The following CACNA1H variants were observed in gnomAD, a reference collection of about 807,000 sequenced individuals.
The protein encoded by CACNA1H is calcium voltage-gated channel subunit alpha1 H.
Under a neutral mutation model 192.5 loss-of-function variants are expected in CACNA1H, and 149 were observed. The observed-to-expected ratio is 0.77, with a 90% CI of 0.68 to 0.89. CACNA1H has a LOEUF of 0.89. Among genes scored for constraint, CACNA1H ranks in the 40% least tolerant of loss-of-function variants. The pLI is 0.00. For missense variants in CACNA1H, 4,257 were observed against 3,423.5 expected (o/e 1.24, Z -6.08); for synonymous variants, 2,202 against 1,475.2 (o/e 1.49, Z -11.29).
chr16:1,161,427 C>T (rs917181331), intron 2 of CACNA1H, among the ~76,000 whole-genome samples: 2 of 152,218 alleles, frequency 1.3e-5, no homozygotes, highest in Admixed American at 6.5e-5. Context: ...CTCTGGGCCC[C>T]TCACTGGCCT....
intron 10 of CACNA1H, among the ~76,000 whole-genome samples, chr16:1,204,863 C>T (rs1476223646): frequency 1.7e-4 from 13 of 75,778 alleles, no homozygotes; most frequent in African/African-American, 7.2e-4. Context: ...GTGGGAGCCG[C>T]GGGTGGGGGC....
At chr16:1,198,189 C>G (rs1967223559) in intron 5 of CACNA1H, among the ~76,000 whole-genome samples, 1 of 152,160 alleles carries the variant, frequency 6.6e-6, no homozygotes, top group South Asian at 2.1e-4. Context: ...GCCAGACAAG[C>G]CTCGAGGGCC....
At chr16:1,197,814 C>A (rs1967170684) in intron 5 of CACNA1H, among the ~76,000 whole-genome samples, 1 of 152,204 alleles carries the variant, frequency 6.6e-6, no homozygotes, top group Non-Finnish European at 1.5e-5. Flanking sequence ...TACCTGCTGC[C>A]TTAGCCTGGC....
intron 34 of CACNA1H, among the ~76,000 whole-genome samples, chr16:1,219,502 C>T (rs1970308806): frequency 6.6e-6 from 1 of 152,214 alleles, no homozygotes; most frequent in Non-Finnish European, 1.5e-5. Flanking sequence ...GGGCATGGGT[C>T]CCGTGGTGGG....
intron 2 of CACNA1H, among the ~76,000 whole-genome samples, chr16:1,185,723 A>G (rs1425763917): frequency 3.5e-3 from 10 of 2,858 alleles, no homozygotes; most frequent in Non-Finnish European, 0.011. Flanking sequence ...TAGGGGCCGG[A>G]GGCGGGGTGT....
chr16:1,208,340 C>T (rs764360191), intron 16 of CACNA1H, 119 bp downstream of exon 16: 5 of 724,006 alleles, frequency 6.9e-6, no homozygotes, highest in Non-Finnish European at 1.2e-5. Context: ...AAGTCCCAGC[C>T]TGTGCAGAGA....
intron 25 of CACNA1H, 127 bp downstream of exon 25, chr16:1,212,265 C>T: frequency 7.3e-7 from 1 of 1,370,112 alleles, no homozygotes; most frequent in South Asian, 1.5e-5. Context: ...TTGCCTGGGC[C>T]TGCATGGGGG....
At chr16:1,214,107 C>A (rs897452793) in intron 27 of CACNA1H, among the ~76,000 whole-genome samples, 176 bp downstream of exon 27, 2 of 152,056 alleles carry the variant, frequency 1.3e-5, no homozygotes, top group Non-Finnish European at 1.5e-5. Context: ...CTCCCCTCCC[C>A]CTGTCCTTGG....
In CACNA1H at chr16:1,167,326, G is replaced by T. The variant is rs1396676762; in HGVS notation, c.299+13290G>T. The stretch of plus-strand genomic sequence containing the variant: ...GGAACCTTGGATTCCTGACACACGG[G>T]TGCGGGGGCGATATCGGCGCGGAGC... On this transcript the variant is annotated intron_variant, in intron 2 of 34. Transcript: ENST00000348261. The surrounding 1 kb of genome is among the most constrained non-coding windows in gnomAD (Gnocchi z 4.2). Among the ~76,000 whole-genome samples the T allele has an allele frequency of 1.3e-5, 2 of 152,208 alleles. No homozygotes were observed. Among genetic ancestry groups the T allele is most frequent in the Admixed American group, 6.5e-5 (1 of 15,284 alleles).
At chr16:1,183,372 G>GCCGCCCTCAGCGTGGAGC (rs1965665896) in intron 2 of CACNA1H, among the ~76,000 whole-genome samples, 1 of 152,196 alleles carries the variant, frequency 6.6e-6, no homozygotes, top group African/African-American at 2.4e-5. Context: ...GGGCGTGGGG[G>GCCGCCCTCAGCGTGGAGC]CCGCCCTCAG....
At chr16:1,211,674 C>T (rs749712090) in intron 23 of CACNA1H, 42 bp from the exon 24 acceptor site, 5 of 1,611,230 alleles carry the variant, frequency 3.1e-6, no homozygotes, top group Non-Finnish European at 2.5e-6. Flanking sequence ...GCCGGCGACC[C>T]CAGCTCTAAC....
intron 2 of CACNA1H, among the ~76,000 whole-genome samples, chr16:1,194,693 C>T (rs960731069): frequency 5.9e-5 from 9 of 152,174 alleles, no homozygotes; most frequent in Non-Finnish European, 1.0e-4. Flanking sequence ...CCACCGAGGG[C>T]TCCTGCACCC....
chr16:1,153,631 G>C (rs1017801800), intron 1 of CACNA1H, 89 bp from the exon 2 acceptor site: 22 of 810,286 alleles, frequency 2.7e-5, no homozygotes, highest in Non-Finnish European at 3.5e-5. Flanking sequence ...AGACATCCCG[G>C]CGGCCGCGGC....
chr16:1,196,713 C>G (rs978904734), intron 5 of CACNA1H, among the ~76,000 whole-genome samples: 1 of 152,112 alleles, frequency 6.6e-6, no homozygotes, highest in East Asian at 1.9e-4. Flanking sequence ...GTCTGCTGTG[C>G]GCTGGGTGTG....
Position 1,160,717 on chromosome 16 carries a change from G to A in CACNA1H, c.299+6681G>A, listed in dbSNP as rs147870619. On this transcript the variant is annotated intron_variant, in intron 2 of 34. Transcript: ENST00000348261. ...TGAGAGCCCCCGGGTTTGATGAGCC[G>A]GACGGTTGATGAATGTGCTCCACGA... is the stretch of plus-strand genomic sequence containing the variant. 7.5e-3 allele frequency among the ~76,000 whole-genome samples: 1,140 copies of A among 152,284 alleles called. 8 individuals are homozygous for A. Among genetic ancestry groups the A allele is most frequent in the Middle Eastern group, 0.02 (6 of 294 alleles).
chr16:1,169,616 C>T (rs1314336247), intron 2 of CACNA1H, among the ~76,000 whole-genome samples: 2 of 152,256 alleles, frequency 1.3e-5, no homozygotes, highest in South Asian at 4.1e-4. Flanking sequence ...CATCAGCCGG[C>T]TCCCGGGCTC....
At chr16:1,172,075 C>T (rs1176062463) in intron 2 of CACNA1H, among the ~76,000 whole-genome samples, 1 of 151,726 alleles carries the variant, frequency 6.6e-6, no homozygotes, top group African/African-American at 2.4e-5. Flanking sequence ...AACTCTGAAG[C>T]CAGCCTGCAG....
In CACNA1H at chr16:1,218,608, G is replaced by C; in HGVS notation, c.5844G>C (p.Leu1948=). ...CCTCGGCGCCCCACCCCCGCCCGCT[G>C]CAGGAGGTGGAGATGGAGACCTATG... ...VPASAPHPRP[L]QEVEMETYGA... Residue 1948 remains leucine, a synonymous_variant, in exon 33 of 35, where the codon CTG becomes CTC. Transcript: ENST00000348261. 6.4e-6 allele frequency: 10 copies of C among 1,564,716 alleles called. No individual in the cohort carries two copies. The highest frequency in any genetic ancestry group is 1.2e-5 in the South Asian group (1 of 85,008).
rs1303625656 is a variant in CACNA1H at position 1,175,458 on chromosome 16, G to T, written c.300-19514G>T. ...CAGGACTCCCCACTGCTGTGTCGTC[G>T]CTCCTGCTGGGCCCTGGCCTGGGCT... is the stretch of plus-strand genomic sequence containing the variant. On this transcript the variant is annotated intron_variant, in intron 2 of 34. Transcript: ENST00000348261. Among the ~76,000 whole-genome samples, 5 of 152,224 alleles carry T rather than the reference G, an allele frequency of 3.3e-5. No individual in the cohort carries two copies. In the East Asian group the frequency reaches 9.7e-4, roughly 29 times the overall value.
Sources: allele counts gnomAD v4.1 joint callset (sites outside exome capture counted in the v4.1 genomes callset), GRCh38; gene constraint gnomAD v4.1.1; non-coding constraint Gnocchi (gnomAD v3.1); transcripts MANE v1.5; gene names NCBI Gene and HGNC (gene_info 2026-07-23, HGNC 2026-07-21).